ANKFN1: variants seen among roughly 807,000 people sequenced by gnomAD.
ANKFN1 encodes the protein ankyrin repeat and fibronectin type III domain containing 1.
In ANKFN1, 74 loss-of-function variants were observed where a neutral mutation model predicts 108.7. The observed-to-expected ratio is 0.68, with a 90% CI of 0.56 to 0.83. The LOEUF (loss-of-function observed/expected upper bound fraction) is 0.83. ANKFN1 is among the 40% of genes least tolerant of loss of function. The pLI is 0.00. For missense variants in ANKFN1, 1,505 were observed against 1,382.3 expected (o/e 1.09, Z -1.41); for synonymous variants, 547 against 516.2 (o/e 1.06, Z -0.81).
intron 20 of ANKFN1, among the ~76,000 whole-genome samples, chr17:56,499,925 C>T (rs1449100552): frequency 2.0e-5 from 3 of 152,108 alleles, no homozygotes; most frequent in African/African-American, 7.2e-5. Context: ...GCAAGAGCTC[C>T]AATTTTGTAA....
chr17:56,292,389 A>T (rs2044386892), intron 3 of ANKFN1, among the ~76,000 whole-genome samples: 1 of 152,170 alleles, frequency 6.6e-6, no homozygotes, highest in South Asian at 2.1e-4. Context: ...TCCTCTTCAG[A>T]GAGTGTGGCT....
At chr17:56,422,299 A>G (rs980643912) in intron 8 of ANKFN1, among the ~76,000 whole-genome samples, 1 of 152,134 alleles carries the variant, frequency 6.6e-6, no homozygotes, top group Non-Finnish European at 1.5e-5. Flanking sequence ...TTTTACTTGT[A>G]AATTGATTTT....
At chr17:56,117,786 T>C (rs1269292542) in intron 4 of ANKFN1, among the ~76,000 whole-genome samples, 1 of 152,150 alleles carries the variant, frequency 6.6e-6, no homozygotes, top group Non-Finnish European at 1.5e-5. Flanking sequence ...TCAATGGTTT[T>C]TAATATATTC....
At chr17:56,210,299 C>T (rs1914887592) in intron 1 of ANKFN1, among the ~76,000 whole-genome samples, 1 of 152,092 alleles carries the variant, frequency 6.6e-6, no homozygotes, top group Non-Finnish European at 1.5e-5. Flanking sequence ...ACTTTTAGTT[C>T]TTTAAGGAAT....
intron 1 of ANKFN1, among the ~76,000 whole-genome samples, chr17:56,194,159 A>C (rs1913274305): frequency 6.6e-6 from 1 of 152,190 alleles, no homozygotes; most frequent in Admixed American, 6.5e-5. Flanking sequence ...TAGGAACTCT[A>C]TTCATTGCTG....
At chr17:56,082,707 A>C (rs1412164809) in intron 4 of ANKFN1, among the ~76,000 whole-genome samples, 1 of 152,196 alleles carries the variant, frequency 6.6e-6, no homozygotes, top group Non-Finnish European at 1.5e-5. Context: ...CCTGTCAAGT[A>C]TTATGCTTTG....
chr17:56,059,589 C>G (rs546142560), intron 4 of ANKFN1, among the ~76,000 whole-genome samples: 1 of 152,106 alleles, frequency 6.6e-6, no homozygotes, highest in East Asian at 1.9e-4. Flanking sequence ...AGTCTTTATT[C>G]CATCTTGAGT....
At chr17:56,308,964 A>G (rs2044928203) in intron 3 of ANKFN1, among the ~76,000 whole-genome samples, 8 of 152,088 alleles carry the variant, frequency 5.3e-5, no homozygotes, top group Admixed American at 4.6e-4. Flanking sequence ...TCTGAATTCT[A>G]TTTGCTAATA....
chr17:56,181,579 A>G (rs923035793), intron 1 of ANKFN1, among the ~76,000 whole-genome samples: 2 of 152,186 alleles, frequency 1.3e-5, no homozygotes, highest in Non-Finnish European at 2.9e-5. Context: ...TGAATTTCCA[A>G]TCATCCATTA....
Position 56,514,982 on chromosome 17 carries a change from G to C in ANKFN1, c.*3713G>C, listed in dbSNP as rs1468460439. On this transcript the variant is annotated 3_prime_UTR_variant, in exon 21 of 21. Coordinates refer to ENST00000682825, the MANE Select transcript of ANKFN1 (RefSeq NM_001370326.1). ...GAAGATAACTCTGTTAGACGAGGAG[G>C]CATCCCAGAAAATACCTGCTTGGCC... 6.6e-6 allele frequency among the ~76,000 whole-genome samples: 1 copy of C among 152,004 alleles called. No individual in the cohort carries two copies. Among genetic ancestry groups the C allele is most frequent in the African/African-American group, 2.4e-5 (1 of 41,402 alleles).
chr17:56,501,767 T>G (rs1258212025), intron 20 of ANKFN1, among the ~76,000 whole-genome samples: 1 of 152,026 alleles, frequency 6.6e-6, no homozygotes, highest in African/African-American at 2.4e-5. Context: ...TCAAGACCTA[T>G]TAGACTAAGA....
chr17:56,265,418 TC>T (rs995462556), intron 3 of ANKFN1, among the ~76,000 whole-genome samples: 7 of 152,098 alleles, frequency 4.6e-5, no homozygotes, highest in Admixed American at 1.3e-4. Context: ...GAGGAAACCA[TC>T]CCCATGATCC....
chr17:56,157,817 C>T (rs1313069252), intron 1 of ANKFN1, among the ~76,000 whole-genome samples: 1 of 152,190 alleles, frequency 6.6e-6, no homozygotes, highest in Non-Finnish European at 1.5e-5. Flanking sequence ...GTGGAGGCTT[C>T]ACTTGATTGG....
At chr17:56,366,801 CA>C (rs2046675554) in intron 6 of ANKFN1, among the ~76,000 whole-genome samples, 1 of 152,178 alleles carries the variant, frequency 6.6e-6, no homozygotes, top group South Asian at 2.1e-4. Flanking sequence ...GTAATATTTG[CA>C]CAACAATGAA....
At chr17:56,495,585 G>A (rs899761514) in intron 19 of ANKFN1, among the ~76,000 whole-genome samples, 3 of 152,102 alleles carry the variant, frequency 2.0e-5, no homozygotes, top group Admixed American at 2.0e-4. Flanking sequence ...AAAGGGGGAG[G>A]CCTGGGCCAC....
intron 4 of ANKFN1, among the ~76,000 whole-genome samples, chr17:56,109,550 A>T (rs1905840840): frequency 6.6e-6 from 1 of 152,202 alleles, no homozygotes; most frequent in South Asian, 2.1e-4. Context: ...ACTGATTTAC[A>T]CATGCACTGC....
intron 3 of ANKFN1, among the ~76,000 whole-genome samples, chr17:56,233,522 C>T (rs964956401): frequency 6.6e-6 from 1 of 152,020 alleles, no homozygotes; most frequent in Non-Finnish European, 1.5e-5. Context: ...TCTGTCTGTG[C>T]TTTATAAAAA....
intron 11 of ANKFN1, among the ~76,000 whole-genome samples, chr17:56,454,618 C>G (rs1387530654): frequency 1.3e-5 from 2 of 152,150 alleles, no homozygotes; most frequent in African/African-American, 4.8e-5. Flanking sequence ...CCTGGCACCA[C>G]CTTTCCATTG....
intron 3 of ANKFN1, among the ~76,000 whole-genome samples, chr17:56,273,315 T>A (rs1270370446): frequency 6.6e-6 from 1 of 152,208 alleles, no homozygotes; most frequent in Non-Finnish European, 1.5e-5. Context: ...GTACTATAAC[T>A]GGCTCATATC....
Sources: allele counts gnomAD v4.1 joint callset (sites outside exome capture counted in the v4.1 genomes callset), GRCh38; gene constraint gnomAD v4.1.1; transcripts MANE v1.5; gene names NCBI Gene and HGNC (gene_info 2026-07-23, HGNC 2026-07-21).